SCAF4: variants seen among roughly 807,000 people sequenced by gnomAD.
SCAF4 encodes SR-related and CTD-associated factor 4.
Under a neutral mutation model 129.8 loss-of-function variants are expected in SCAF4, and 25 were observed. The ratio of observed to expected loss-of-function variants is 0.19; its 90% CI spans 0.14 to 0.27. The LOEUF is 0.27. Among genes scored for constraint, SCAF4 ranks in the 10% least tolerant of loss-of-function variants. The pLI is 1.00. For synonymous variants in SCAF4, 551 were observed against 497.7 expected (o/e 1.11, Z -1.43); for missense variants, 1,246 against 1,457.1 (o/e 0.86, Z 2.36).
intron 1 of SCAF4, among the ~76,000 whole-genome samples, chr21:31,709,226 T>C (rs769776878): frequency 1.4e-4 from 21 of 152,216 alleles, no homozygotes; most frequent in Non-Finnish European, 2.4e-4. Flanking sequence ...TTGATTTTGC[T>C]GAACCAGGTA....
intron 1 of SCAF4, among the ~76,000 whole-genome samples, chr21:31,726,717 C>T (rs910943854): frequency 6.6e-6 from 1 of 152,190 alleles, no homozygotes; most frequent in African/African-American, 2.4e-5. Flanking sequence ...AGCTGTCCTA[C>T]AGAAATTCCT....
At position 31,721,749 on chromosome 21, in the gene SCAF4, T is replaced by C. The variant is rs1192098178; in HGVS notation, c.30+9914A>G. 2.1e-5 allele frequency among the ~76,000 whole-genome samples: 3 copies of C among 143,978 alleles called. 1 individual carries two copies. The South Asian group carries it at 6.6e-4, about 32-fold the overall frequency. 94.5% of individuals were successfully genotyped at this position (143,978 alleles called of 152,430 possible). A position where few individuals can be genotyped will look rare whatever the true frequency, so the allele number is the denominator to read the frequency against. ...TCTTTTTTTTTTTTTTTTTTTGAGA[T>C]GGAATCTCGCTCTGTTGCCCGGGCT... On this transcript the variant is annotated intron_variant, in intron 1 of 19. Transcript: ENST00000286835.
intron 1 of SCAF4, among the ~76,000 whole-genome samples, chr21:31,724,971 C>T (rs2051165624): frequency 6.6e-6 from 1 of 152,222 alleles, no homozygotes; most frequent in African/African-American, 2.4e-5. Context: ...TGAAGAATCA[C>T]TTTATCGCAA....
At chr21:31,705,341 A>G in intron 3 of SCAF4, 82 bp downstream of exon 3, 1 of 662,072 alleles carries the variant, frequency 1.5e-6, no homozygotes, top group Non-Finnish European at 2.5e-6. Flanking sequence ...GTGGTTTAGA[A>G]ACAAGCATTG....
At position 31,671,954 on chromosome 21, in the gene SCAF4, CTGCTGCTGCTGT is replaced by C; in HGVS notation, c.2877_2888del (p.Gln963_Gln966del). 1.2e-6 allele frequency: 2 copies of C among 1,609,074 alleles called. No homozygotes were observed. The highest frequency in any genetic ancestry group is 1.7e-6 in the Non-Finnish European group (2 of 1,175,710). On this transcript the variant is annotated inframe_deletion, in exon 20 of 20. Transcript: ENST00000286835. ...GTTGTGATGGTGGTGGCTGCTGCTG[CTGCTGCTGCTGT>C]GGTTGCTGGGGCGCCTGCGGCTGTG...
At chr21:31,705,609 A>G (rs1444949014) in intron 2 of SCAF4, 142 bp from the exon 3 acceptor site, 7 of 340,658 alleles carry the variant, frequency 2.1e-5, no homozygotes, top group Non-Finnish European at 3.8e-5. Flanking sequence ...ATAATAAAAA[A>G]TTTAATATTA....
chr21:31,695,277 C>T (rs1301694538), intron 9 of SCAF4, among the ~76,000 whole-genome samples: 1 of 152,098 alleles, frequency 6.6e-6, no homozygotes, highest in African/African-American at 2.4e-5. Flanking sequence ...AACTGAACTT[C>T]AAGTCAGAAG....
chr21:31,678,837 G>A (rs574537141), intron 19 of SCAF4, among the ~76,000 whole-genome samples: 1 of 152,118 alleles, frequency 6.6e-6, no homozygotes, highest in Non-Finnish European at 1.5e-5. Flanking sequence ...CTGCCTAACT[G>A]TCCTGTTTTA....
rs747076602 is a variant in SCAF4, at chr21:31,672,337, G to A, written c.2506C>T (p.Pro836Ser). Residue 836 changes from proline (P) to serine (S), a missense_variant, in exon 20 of 20, where the codon CCT (proline) becomes TCT (serine). This residue lies in a region of SCAF4 where 468 missense variants were observed against 605.5 expected (regional missense o/e 0.77). Coordinates refer to ENST00000286835, the MANE Select transcript of SCAF4 (RefSeq NM_020706.2). Reference sequence around the variant, plus strand: ...GCCTGAAGTCCAATTACAGGACCAGGGGCAACTCCTTGAGTGCCTAAAAGA... The same window carrying A: ...GCCTGAAGTCCAATTACAGGACCAGAGGCAACTCCTTGAGTGCCTAAAAGA... Reference protein sequence around the residue: ...VSLLGTQGVAPGPVIGLQAPS... With the variant: ...VSLLGTQGVASGPVIGLQAPS... 1.9e-6 allele frequency: 3 copies of A among 1,613,454 alleles called. No individual in the cohort carries two copies. Among genetic ancestry groups the A allele is most frequent in the Non-Finnish European group, 2.5e-6 (3 of 1,179,950 alleles).
intron 16 of SCAF4, among the ~76,000 whole-genome samples, chr21:31,687,401 A>C (rs190978340): frequency 6.6e-6 from 1 of 152,322 alleles, no homozygotes; most frequent in East Asian, 1.9e-4. Context: ...TACAAATAGG[A>C]AACTGAAGCT....
At chr21:31,716,915 T>C (rs2050933223) in intron 1 of SCAF4, among the ~76,000 whole-genome samples, 1 of 152,136 alleles carries the variant, frequency 6.6e-6, no homozygotes, top group Non-Finnish European at 1.5e-5. Context: ...TAATCAATGG[T>C]ACATACACAC....
chr21:31,715,760 C>A (rs1199159913), intron 1 of SCAF4, among the ~76,000 whole-genome samples: 1 of 152,160 alleles, frequency 6.6e-6, no homozygotes, highest in Non-Finnish European at 1.5e-5. Context: ...TGAAAGATGA[C>A]CTTAACTGAT....
intron 1 of SCAF4, chr21:31,712,882 A>T (rs2050838174): frequency 1.5e-5 from 15 of 972,890 alleles, no homozygotes; most frequent in Non-Finnish European, 1.8e-5. Flanking sequence ...TAAAACTGTT[A>T]ATAGCATGAA....
rs988023694 is a variant in SCAF4, at chr21:31,731,572, C to T, written c.30+91G>A. ...AACCGGGGCAGGAAGCGTCCCCACC[C>T]GGACCAAAGCTTTAAACCTCCGGCG... On this transcript the variant is annotated intron_variant, in intron 1 of 19. Coordinates refer to ENST00000286835, the MANE Select transcript of SCAF4 (RefSeq NM_020706.2). The T allele has an allele frequency of 8.9e-6, 13 of 1,460,662 alleles. No individual in the cohort carries two copies. In the African/African-American group the frequency reaches 1.9e-4, roughly 21 times the overall value. The allele number at this position is 1,460,662 out of a possible 1,614,324, so 90.5% of individuals were successfully genotyped here.
In SCAF4 at chr21:31,705,965, G is replaced by A. The variant is rs376704131; in HGVS notation, c.114+309C>T. 7.9e-5 allele frequency among the ~76,000 whole-genome samples: 12 copies of A among 152,222 alleles called. No homozygotes were observed. The East Asian group carries it at 1.3e-3, about 17-fold the overall frequency. ...CACACCTGTAATCTCAGCTACTCAG[G>A]TGGCTCAGGCATGAGAATCACTTGA... On this transcript the variant is annotated intron_variant, in intron 2 of 19. Transcript: ENST00000286835.
chr21:31,732,029 T>A lies in SCAF4; in HGVS notation c.-337A>T, dbSNP rs1470541271. The A allele has an allele frequency of 2.3e-6, 1 of 435,310 alleles. No homozygotes were observed. Among genetic ancestry groups the A allele is most frequent in the Non-Finnish European group, 4.0e-6 (1 of 250,252 alleles). The allele number at this position is 435,310 out of a possible 1,614,324, so 27.0% of individuals were successfully genotyped here. ...CGCGCCCTCACGCACTGGCTCACACTGGCCCGGCCGGCGAGCGGGCGGGCC... is the reference window on the plus strand; with the variant it reads ...CGCGCCCTCACGCACTGGCTCACACAGGCCCGGCCGGCGAGCGGGCGGGCC... On this transcript the variant is annotated 5_prime_UTR_variant, in exon 1 of 20. Coordinates refer to ENST00000286835, the MANE Select transcript of SCAF4 (RefSeq NM_020706.2).
chr21:31,709,906 T>G (rs1188738112), intron 1 of SCAF4, among the ~76,000 whole-genome samples: 5 of 151,378 alleles, frequency 3.3e-5, no homozygotes, highest in Admixed American at 1.3e-4. Flanking sequence ...TAGGCCATGA[T>G]CTGAACTAAT....
At chr21:31,680,056 A>T (rs912954155) in intron 19 of SCAF4, among the ~76,000 whole-genome samples, 12 of 152,222 alleles carry the variant, frequency 7.9e-5, no homozygotes, top group Non-Finnish European at 1.8e-4. Context: ...TCTTTACAGC[A>T]ATTAACTTTG....
At chr21:31,720,173 C>T (rs1782152690) in intron 1 of SCAF4, among the ~76,000 whole-genome samples, 3 of 152,208 alleles carry the variant, frequency 2.0e-5, no homozygotes, top group South Asian at 2.1e-4. Context: ...GAATTAAACA[C>T]TTCTTCCTAG....
Sources: allele counts gnomAD v4.1 joint callset (sites outside exome capture counted in the v4.1 genomes callset), GRCh38; gene constraint gnomAD v4.1.1; regional missense constraint gnomAD v4.1.1; transcripts MANE v1.5; gene names NCBI Gene and HGNC (gene_info 2026-07-23, HGNC 2026-07-21).